The following MED14 variants were observed in gnomAD, a reference collection of about 807,000 sequenced individuals.
MED14 encodes mediator of RNA polymerase II transcription subunit 14.
MED14 carries 8 observed loss-of-function variants against 109.0 expected under a neutral mutation model. The observed-to-expected ratio is 0.07, with a 90% CI of 0.04 to 0.13. MED14 has a LOEUF of 0.13. Among genes scored for constraint, MED14 ranks in the 10% least tolerant of loss-of-function variants. The probability of loss-of-function intolerance (pLI) is 1.00; values close to 1 mark genes in which losing one functional copy is unlikely to be tolerated. For synonymous variants in MED14, 399 were observed against 408.7 expected (o/e 0.98, Z 0.29); for missense variants, 711 against 1,142.4 (o/e 0.62, Z 5.44).
At chrX:40,655,796 A>G (rs750483723) in intron 28 of MED14, among the ~76,000 whole-genome samples, 45 of 112,150 alleles carry the variant, frequency 4.0e-4, no homozygotes, top group African/African-American at 1.4e-3. Context: ...GCAAAAGAAC[A>G]CTGTTGCCCC....
chrX:40,650,917 C>CT lies in MED14; in HGVS notation c.*888dup, dbSNP rs966431291. The CT allele has an allele frequency of 1.3e-6, 1 of 752,163 alleles. No homozygotes were observed. The highest frequency in any genetic ancestry group is 2.3e-5 in the African/African-American group (1 of 43,186). The allele number at this position is 752,163 out of a possible 1,213,427, so 62.0% of individuals were successfully genotyped here. A position where few individuals can be genotyped will look rare whatever the true frequency, so the allele number is the denominator to read the frequency against. The stretch of plus-strand genomic sequence containing the variant: ...GTTGTATGCAGAAGTATTCTGTAAA[C>CT]TAAATTTTCCTGACAGAAAAGTTCC... On this transcript the variant is annotated 3_prime_UTR_variant, in exon 31 of 31. Transcript: ENST00000324817.
chrX:40,662,982 T>C lies in MED14; in HGVS notation c.3627A>G (p.Arg1209=). 8.3e-7 allele frequency: 1 copy of C among 1,211,451 alleles called. No homozygotes were observed. Among genetic ancestry groups the C allele is most frequent in the Non-Finnish European group, 1.1e-6 (1 of 895,268 alleles). Residue 1209 remains arginine, a synonymous_variant, in exon 26 of 31, where the codon AGA becomes AGG. Coordinates refer to ENST00000324817, the MANE Select transcript of MED14 (RefSeq NM_004229.4). The stretch of plus-strand genomic sequence containing the variant: ...GTCTCATGATGACTGATCCAAGGAA[T>C]CTCTCAAGTGGAGAACAAAGGTAAC... ...AGSYLCSPLE[R]FLGSVIMRRH...
chrX:40,717,803 G>A (rs955950699), intron 3 of MED14, among the ~76,000 whole-genome samples: 1 of 112,293 alleles, frequency 8.9e-6, no homozygotes, highest in African/African-American at 3.2e-5. Flanking sequence ...GATTACAGGC[G>A]TGAGCCACTG....
chrX:40,663,048 C>A lies in MED14; in HGVS notation c.3561G>T (p.Leu1187=). Residue 1187 remains leucine, a synonymous_variant, in exon 26 of 31, where the codon CTG becomes CTT. Coordinates refer to ENST00000324817, the MANE Select transcript of MED14 (RefSeq NM_004229.4). ...GCACAAGGCCTGGAGTTGGAGAGGG[C>A]AGCAGTAAAATGTTCAAGGCACTGT... ...LTHSALNILL[L]PSPTPGLVPG... 1 of 1,211,340 alleles carries A rather than the reference C, an allele frequency of 8.3e-7. No homozygotes were observed. Among genetic ancestry groups the A allele is most frequent in the Non-Finnish European group, 1.1e-6 (1 of 895,021 alleles).
chrX:40,681,881 A>T lies in MED14; in HGVS notation c.2428T>A (p.Leu810Met). The T allele has an allele frequency of 8.6e-7, 1 of 1,158,200 alleles. No individual in the cohort carries two copies. Among genetic ancestry groups the T allele is most frequent in the Non-Finnish European group, 1.2e-6 (1 of 862,874 alleles). The change falls in exon 19 of 31, where the codon TTG becomes ATG. Residue 810 changes from leucine (L) to methionine (M), a missense_variant. This residue lies in a region of MED14 where 388 missense variants were observed against 517.3 expected (regional missense o/e 0.75). Coordinates refer to ENST00000324817, the MANE Select transcript of MED14 (RefSeq NM_004229.4). ...CTTCCCTTGGTGGTTCCATAACACA[A>T]GATAAGTTTTCGGTAATTATAAACA... ...VRVYNYRKLI[L>M]CYGTTKGSSI... is the part of the protein sequence containing the mutation.
chrX:40,705,996 G>GA (rs1294505270), intron 10 of MED14, among the ~76,000 whole-genome samples: 1 of 111,322 alleles, frequency 9.0e-6, no homozygotes, highest in Non-Finnish European at 1.9e-5. Context: ...CCACATGCCT[G>GA]AGCTGCTCAA....
At chrX:40,682,808 C>A (rs1351736840) in intron 17 of MED14, 28 bp downstream of exon 17, 1 of 1,208,026 alleles carries the variant, frequency 8.3e-7, no homozygotes, top group East Asian at 3.0e-5. Context: ...CAGAAATATG[C>A]AAAGACAAAA....
chrX:40,693,961 A>C (rs771225776), intron 13 of MED14, among the ~76,000 whole-genome samples: 11 of 111,108 alleles, frequency 9.9e-5, no homozygotes, highest in Admixed American at 1.9e-4. Flanking sequence ...GCAGTGGCAC[A>C]ATGTCAGCTC....
chrX:40,717,711 C>T (rs1457243699), intron 3 of MED14, among the ~76,000 whole-genome samples: 3 of 111,196 alleles, frequency 2.7e-5, no homozygotes, highest in Non-Finnish European at 5.7e-5. Flanking sequence ...TTAGTAAAGA[C>T]GGGGTTTCAC....
intron 23 of MED14, among the ~76,000 whole-genome samples, chrX:40,667,937 G>A (rs921673552): frequency 9.9e-5 from 11 of 111,660 alleles, no homozygotes; most frequent in African/African-American, 3.6e-4. Flanking sequence ...CAAGTAGCAG[G>A]AAGGAAGGGC....
At chrX:40,673,321 C>T (rs1251690337) in intron 22 of MED14, among the ~76,000 whole-genome samples, 1 of 112,109 alleles carries the variant, frequency 8.9e-6, no homozygotes, top group Non-Finnish European at 1.9e-5. Flanking sequence ...AAAGCTCTAC[C>T]TACAGGTTGA....
Position 40,651,052 on chromosome X carries a change from A to G in MED14, c.*754T>C, listed in dbSNP as rs979499156. 5 of 751,949 alleles carry G rather than the reference A, an allele frequency of 6.6e-6. No individual in the cohort carries two copies. The African/African-American group carries it at 1.2e-4, about 17-fold the overall frequency. The allele number at this position is 751,949 out of a possible 1,213,427, so 62.0% of individuals were successfully genotyped here. Reference sequence around the variant, plus strand: ...GTTCCTTATTTTTCACCCAAATCCTATATATTGAAAGACAACCAAGGTGCT... The same window carrying G: ...GTTCCTTATTTTTCACCCAAATCCTGTATATTGAAAGACAACCAAGGTGCT... On this transcript the variant is annotated 3_prime_UTR_variant, in exon 31 of 31. Transcript: ENST00000324817.
At chrX:40,726,532 T>A (rs751686331) in intron 3 of MED14, 109 of 328,188 alleles carry the variant, frequency 3.3e-4, no homozygotes, top group Middle Eastern at 1.7e-3. Flanking sequence ...TCTCCTCACG[T>A]AATGATGTCT....
chrX:40,683,049 G>A (rs1371329651), intron 16 of MED14, 53 bp from the exon 17 acceptor site: 1 of 1,023,712 alleles, frequency 9.8e-7, no homozygotes, highest in Non-Finnish European at 1.3e-6. Flanking sequence ...AAAGCACAAT[G>A]TACACAATGA....
At position 40,701,235 on chromosome X, in the gene MED14, T is replaced by C; in HGVS notation, c.1420A>G (p.Thr474Ala). The change falls in exon 12 of 31, where the codon ACT becomes GCT. Residue 474 changes from threonine (T) to alanine (A), a missense_variant. By Grantham distance (58) the Thr-to-Ala change is moderately conservative (BLOSUM62 0). This residue lies in a region of MED14 where 388 missense variants were observed against 517.3 expected (regional missense o/e 0.75). Coordinates refer to ENST00000324817, the MANE Select transcript of MED14 (RefSeq NM_004229.4). ...ACAGACTTCTCCATGTCATCCAGAG[T>C]GGCCTGGTCTACAGAATAAAGCACT... Reference protein sequence around the residue: ...QLMLYGLDQATLDDMEKSVND... With the variant: ...QLMLYGLDQAALDDMEKSVND... The C allele has an allele frequency of 4.2e-6, 5 of 1,193,829 alleles. No homozygotes were observed. The highest frequency in any genetic ancestry group is 5.7e-6 in the Non-Finnish European group (5 of 881,995).
chrX:40,723,329 T>C (rs1218733513), intron 3 of MED14, among the ~76,000 whole-genome samples: 1 of 111,659 alleles, frequency 9.0e-6, no homozygotes, highest in Non-Finnish European at 1.9e-5. Flanking sequence ...AATAATGGGT[T>C]AAAAGACAGT....
chrX:40,679,677 A>G (rs1212728230), intron 21 of MED14, among the ~76,000 whole-genome samples, 187 bp downstream of exon 21: 2 of 112,337 alleles, frequency 1.8e-5, no homozygotes, highest in East Asian at 5.5e-4. Flanking sequence ...TCTCATACAC[A>G]TAAGCACAAC....
At chrX:40,732,817 C>T (rs1195509755) in intron 1 of MED14, among the ~76,000 whole-genome samples, 2 of 109,387 alleles carry the variant, frequency 1.8e-5, no homozygotes, top group Admixed American at 9.8e-5. Flanking sequence ...GTAATGTGGT[C>T]GGAACAGGAT....
At chrX:40,688,077 C>T (rs890431461) in intron 16 of MED14, among the ~76,000 whole-genome samples, 4 of 110,620 alleles carry the variant, frequency 3.6e-5, no homozygotes, top group African/African-American at 6.6e-5. Flanking sequence ...ACTAGCTGGG[C>T]GTCGTGGTGT....
Sources: allele counts gnomAD v4.1 joint callset (sites outside exome capture counted in the v4.1 genomes callset), GRCh38; gene constraint gnomAD v4.1.1; regional missense constraint gnomAD v4.1.1; transcripts MANE v1.5; gene names NCBI Gene and HGNC (gene_info 2026-07-23, HGNC 2026-07-21).